NRXN1: variants seen among roughly 807,000 people sequenced by gnomAD.
NRXN1 encodes neurexin-1.
In NRXN1, 39 loss-of-function variants were observed where a neutral mutation model predicts 150.9. The observed-to-expected ratio is 0.26, with a 90% CI of 0.20 to 0.34. NRXN1 has a LOEUF of 0.34. Ranked by LOEUF, NRXN1 falls within the 10% of genes least tolerant of loss-of-function variation. The pLI is 1.00. For synonymous variants in NRXN1, 924 were observed against 757.0 expected, an observed-to-expected ratio of 1.22 and a Z score of -3.62; for missense variants, 1,815 against 1,949.9, an observed-to-expected ratio of 0.93 and a Z score of 1.30.
intron 5 of NRXN1, among the ~76,000 whole-genome samples, chr2:50,748,488 T>C (rs749752992): frequency 2.6e-5 from 4 of 152,160 alleles, no homozygotes; most frequent in Non-Finnish European, 4.4e-5. Flanking sequence ...GTACAGCCTT[T>C]CATATTTAGT....
At chr2:50,810,448 G>T (rs1028298750) in intron 5 of NRXN1, among the ~76,000 whole-genome samples, 1 of 152,094 alleles carries the variant, frequency 6.6e-6, no homozygotes, top group Admixed American at 6.6e-5. Context: ...CTTTTAAAGA[G>T]CCAACACCTG....
chr2:50,566,894 C>G lies in NRXN1; in HGVS notation c.1321-13869G>C, dbSNP rs772505415. 2.9e-4 allele frequency among the ~76,000 whole-genome samples: 44 copies of G among 152,192 alleles called. 1 individual carries two copies. The highest frequency in any genetic ancestry group is 6.8e-3 in the Middle Eastern group (2 of 294). ...ACACTTTCTCAATCTCATCATCATGCCTTTCGTGTATAGAAGTAAAGGGAC... is the reference window on the plus strand; with the variant it reads ...ACACTTTCTCAATCTCATCATCATGGCTTTCGTGTATAGAAGTAAAGGGAC... On this transcript the variant is annotated intron_variant, in intron 8 of 22. Transcript: ENST00000401669.
chr2:50,558,269 A>G (rs990278415), intron 8 of NRXN1, among the ~76,000 whole-genome samples: 3 of 152,216 alleles, frequency 2.0e-5, no homozygotes, highest in African/African-American at 7.2e-5. Flanking sequence ...GAGTGACTGC[A>G]TGTCTTTCTT....
intron 5 of NRXN1, among the ~76,000 whole-genome samples, chr2:50,795,599 T>A (rs1412198430): frequency 4.6e-5 from 7 of 151,600 alleles, no homozygotes; most frequent in Non-Finnish European, 8.8e-5. Flanking sequence ...CCCTCCCATA[T>A]AATTCTGTAA....
At chr2:50,131,593 C>T (rs988637500) in intron 18 of NRXN1, among the ~76,000 whole-genome samples, 9 of 152,162 alleles carry the variant, frequency 5.9e-5, no homozygotes, top group Admixed American at 1.3e-4. Context: ...CTTCAATATA[C>T]GAAGAAATGC....
chr2:50,665,977 A>G (rs1687963389), intron 5 of NRXN1, among the ~76,000 whole-genome samples: 1 of 151,896 alleles, frequency 6.6e-6, no homozygotes, highest in Admixed American at 6.6e-5. Flanking sequence ...CATCTATGAA[A>G]CTGCAAAATA....
chr2:50,006,040 A>G (rs1157594971), intron 21 of NRXN1, among the ~76,000 whole-genome samples: 5 of 152,028 alleles, frequency 3.3e-5, no homozygotes. Context: ...CTACCTCATC[A>G]GTGACTACCA....
At chr2:50,970,603 T>C (rs1455852128) in intron 2 of NRXN1, among the ~76,000 whole-genome samples, 1 of 152,140 alleles carries the variant, frequency 6.6e-6, no homozygotes, top group African/African-American at 2.4e-5. Flanking sequence ...TATTCTTGAT[T>C]CCAACTTTGA....
At chr2:50,450,769 A>G (rs547853994) in intron 17 of NRXN1, among the ~76,000 whole-genome samples, 4 of 152,328 alleles carry the variant, frequency 2.6e-5, no homozygotes, top group Non-Finnish European at 1.5e-5. Flanking sequence ...CACACAGTGC[A>G]GGTATCAGCC....
At position 50,138,807 on chromosome 2, in the gene NRXN1, C is replaced by A. The variant is rs192191496; in HGVS notation, c.3547-47313G>T. ...ACTCAAAAGGTCCCCAAAGAACAAC[C>A]TCCTGAAGTTAGGACCAATGGTCCC... On this transcript the variant is annotated intron_variant, in intron 18 of 22. Transcript: ENST00000401669. Among the ~76,000 whole-genome samples, 435 of 152,240 alleles carry A rather than the reference C, an allele frequency of 2.9e-3. 3 individuals are homozygous for A. Among genetic ancestry groups the A allele is most frequent in the African/African-American group, 9.9e-3 (412 of 41,542 alleles).
chr2:50,894,179 T>G (rs1336236995), intron 5 of NRXN1, among the ~76,000 whole-genome samples: 1 of 151,664 alleles, frequency 6.6e-6, no homozygotes, highest in Non-Finnish European at 1.5e-5. Flanking sequence ...GCATGGCACA[T>G]GTATACATAT....
intron 2 of NRXN1, among the ~76,000 whole-genome samples, chr2:50,940,690 T>C (rs978194916): frequency 6.6e-6 from 1 of 152,154 alleles, no homozygotes; most frequent in Non-Finnish European, 1.5e-5. Context: ...AAAGTTTTTG[T>C]TTTTTGTTTT....
chr2:50,449,632 A>C (rs573111950), intron 17 of NRXN1, among the ~76,000 whole-genome samples: 4 of 152,128 alleles, frequency 2.6e-5, no homozygotes, highest in Non-Finnish European at 4.4e-5. Flanking sequence ...TTCAACTTTT[A>C]TTTTAAATAT....
At position 50,531,824 on chromosome 2, in the gene NRXN1, TTTG is replaced by T. The variant is rs199804551; in HGVS notation, c.2144-397_2144-395del. Among the ~76,000 whole-genome samples, 1,030 of 151,806 alleles carry T rather than the reference TTTG, an allele frequency of 6.8e-3. 5 individuals are homozygous for T. Among genetic ancestry groups the T allele is most frequent in the African/African-American group, 0.024 (977 of 41,208 alleles). ...AAACACCAGCGAAGTTGTGGATTTT[TTTG>T]TTGTTGTTTTTGTTTGGGTTTTGTT... is the stretch of plus-strand genomic sequence containing the variant. On this transcript the variant is annotated intron_variant, in intron 10 of 22. Transcript: ENST00000401669.
chr2:50,650,550 G>A (rs1228845060), intron 5 of NRXN1, among the ~76,000 whole-genome samples: 1 of 152,006 alleles, frequency 6.6e-6, no homozygotes, highest in Non-Finnish European at 1.5e-5. Context: ...ATGTCAGCTT[G>A]CTTTTTTATT....
At chr2:49,979,467 TG>T (rs1396529376) in intron 21 of NRXN1, among the ~76,000 whole-genome samples, 1 of 152,204 alleles carries the variant, frequency 6.6e-6, no homozygotes, top group East Asian at 1.9e-4. Flanking sequence ...TTATAGGTTA[TG>T]AAATACAAAA....
chr2:50,126,038 C>T (rs574822267), intron 18 of NRXN1, among the ~76,000 whole-genome samples: 1 of 152,122 alleles, frequency 6.6e-6, no homozygotes, highest in East Asian at 1.9e-4. Context: ...CGAAGCAGAA[C>T]AATAGCAGGA....
In NRXN1 at chr2:50,019,641, C is replaced by CAAAAAAAAAAAAAAAAA. The variant is rs764073226; in HGVS notation, c.4128+33613_4128+33629dup. On this transcript the variant is annotated intron_variant, in intron 21 of 22. Coordinates refer to ENST00000401669, the MANE Select transcript of NRXN1 (RefSeq NM_001330078.2). Reference sequence around the variant, plus strand: ...TGTAAGAAGGAGCAAGATTCCGTCTCAAAAAAAAAAAAAAAAAAAAGGAGG... The same window carrying CAAAAAAAAAAAAAAAAA: ...TGTAAGAAGGAGCAAGATTCCGTCTCAAAAAAAAAAAAAAAAAAAAAAAAAAAAAAAAAAAAAGGAGG... Among the ~76,000 whole-genome samples, 3 of 25,554 alleles carry CAAAAAAAAAAAAAAAAA rather than the reference C, an allele frequency of 1.2e-4. 1 individual carries two copies. Among genetic ancestry groups the CAAAAAAAAAAAAAAAAA allele is most frequent in the African/African-American group, 5.9e-4 (3 of 5,104 alleles). The allele number at this position is 25,554 out of a possible 152,430, so 16.8% of individuals were successfully genotyped here.
intron 5 of NRXN1, among the ~76,000 whole-genome samples, chr2:50,790,105 C>A (rs1010282127): frequency 6.6e-6 from 1 of 151,472 alleles, no homozygotes; most frequent in Non-Finnish European, 1.5e-5. Context: ...GAGTTGTAAA[C>A]CTGCTTTTAA....
Sources: allele counts gnomAD v4.1 joint callset (sites outside exome capture counted in the v4.1 genomes callset), GRCh38; gene constraint gnomAD v4.1.1; transcripts MANE v1.5; gene names NCBI Gene and HGNC (gene_info 2026-07-23, HGNC 2026-07-21).